The following NMT1 variants were observed in gnomAD, a reference collection of about 807,000 sequenced individuals.
NMT1 encodes glycylpeptide N-tetradecanoyltransferase 1.
NMT1 carries 12 observed loss-of-function variants against 63.4 expected under a neutral mutation model. That is an observed-to-expected ratio of 0.19 (90% CI 0.12 to 0.31). The LOEUF is 0.31. Among genes scored for constraint, NMT1 ranks in the 10% least tolerant of loss-of-function variants. The probability of loss-of-function intolerance (pLI) is 1.00; values close to 1 mark genes in which losing one functional copy is unlikely to be tolerated. For missense variants in NMT1, 432 were observed against 634.6 expected (o/e 0.68, Z 3.43); for synonymous variants, 228 against 234.3 (o/e 0.97, Z 0.25).
intron 8 of NMT1, among the ~76,000 whole-genome samples, chr17:45,101,655 A>G (rs138185723): frequency 6.6e-6 from 1 of 151,164 alleles, no homozygotes; most frequent in African/African-American, 2.4e-5. Flanking sequence ...GAAAGAAAAA[A>G]TCTCTTCTCT....
At position 45,103,838 on chromosome 17, in the gene NMT1, C is replaced by G. The variant is rs2143524649; in HGVS notation, c.1294C>G (p.Leu432Val). The change falls in exon 10 of 12, where the codon CTA becomes GTA. Residue 432 changes from leucine to valine, a missense_variant. This residue lies in a region of NMT1 where 295 missense variants were observed against 489.7 expected (regional missense o/e 0.60). Coordinates refer to ENST00000258960, the MANE Select transcript of NMT1 (RefSeq NM_021079.5). The surrounding 1 kb of genome is among the most constrained non-coding windows in gnomAD (Gnocchi z 4.8). ...CAACGTTCACACCCAGACCCCTCTT[C>G]TAGACCTCATGAGCGACGCCCTTGT... Reference protein sequence around the residue: ...FYNVHTQTPLLDLMSDALVLA... With the variant: ...FYNVHTQTPLVDLMSDALVLA... The G allele has an allele frequency of 1.9e-6, 3 of 1,614,202 alleles. No individual in the cohort carries two copies. Among genetic ancestry groups the G allele is most frequent in the Non-Finnish European group, 2.5e-6 (3 of 1,180,046 alleles).
intron 1 of NMT1, among the ~76,000 whole-genome samples, chr17:45,079,068 A>C (rs2053995612): frequency 6.6e-6 from 1 of 151,398 alleles, no homozygotes; most frequent in South Asian, 2.1e-4. Flanking sequence ...TGGACTCCTA[A>C]TTTTGACTTT....
At chr17:45,081,265 G>T (rs2054015564) in intron 1 of NMT1, among the ~76,000 whole-genome samples, 1 of 152,216 alleles carries the variant, frequency 6.6e-6, no homozygotes, top group African/African-American at 2.4e-5. Flanking sequence ...ACTGCCTTTT[G>T]GCTGTCATCC....
intron 1 of NMT1, among the ~76,000 whole-genome samples, chr17:45,068,453 CAG>C (rs369315227): frequency 1.3e-5 from 2 of 152,178 alleles, no homozygotes; most frequent in Admixed American, 6.5e-5. Flanking sequence ...GTCTGGGCGA[CAG>C]AGAGAGCCTC....
intron 1 of NMT1, among the ~76,000 whole-genome samples, chr17:45,065,023 C>T (rs375535271): frequency 1.3e-3 from 198 of 152,178 alleles, no homozygotes; most frequent in African/African-American, 4.3e-3. Flanking sequence ...TAGCTTTTAT[C>T]GTAACAATAG....
chr17:45,091,197 C>T (rs2054085366), intron 3 of NMT1, among the ~76,000 whole-genome samples: 2 of 139,018 alleles, frequency 1.4e-5, no homozygotes, highest in South Asian at 2.5e-4. Context: ...GACACACACA[C>T]ACACACACAC....
Position 45,103,740 on chromosome 17 carries a change from G to T in NMT1, c.1196G>T (p.Ser399Ile). 6.2e-7 allele frequency: 1 copy of T among 1,613,818 alleles called. No homozygotes were observed. The highest frequency in any genetic ancestry group is 1.1e-5 in the South Asian group (1 of 91,018). Residue 399 changes from serine to isoleucine, a missense_variant, in exon 10 of 12, where the codon AGC becomes ATC. By Grantham distance (142) the Ser-to-Ile change is moderately radical. This residue lies in a region of NMT1 where 295 missense variants were observed against 489.7 expected (regional missense o/e 0.60). Coordinates refer to ENST00000258960, the MANE Select transcript of NMT1 (RefSeq NM_021079.5). The surrounding 1 kb of genome is among the most constrained non-coding windows in gnomAD (Gnocchi z 4.8). Reference protein sequence around the residue: ...NANGEVTDFLSFYTLPSTIMN... With the variant: ...NANGEVTDFLIFYTLPSTIMN... ...AACGGAGAGGTGACAGATTTCCTGA[G>T]CTTTTATACGCTGCCCTCCACCATC...
At chr17:45,093,569 T>C in intron 3 of NMT1, 116 bp from the exon 4 acceptor site, 5 of 746,922 alleles carry the variant, frequency 6.7e-6, no homozygotes, top group East Asian at 2.7e-5. Context: ...CAGAATGTTC[T>C]TCAGATAGAG....
chr17:45,084,492 A>C (rs2054038656), intron 2 of NMT1, among the ~76,000 whole-genome samples: 1 of 151,702 alleles, frequency 6.6e-6, no homozygotes, highest in African/African-American at 2.4e-5. Flanking sequence ...CCGTGACCAC[A>C]CTGGCTAATT....
chr17:45,106,354 G>A lies in NMT1; in HGVS notation c.*715G>A, dbSNP rs1335370299. On this transcript the variant is annotated 3_prime_UTR_variant, in exon 12 of 12. Transcript: ENST00000258960. ...GAGACAAAGCAATGGACGGTCCGCA[G>A]AAGCAGACCTCATTGATTGAGTCCT... 6.5e-6 allele frequency: 1 copy of A among 152,698 alleles called. No homozygotes were observed. The highest frequency in any genetic ancestry group is 1.9e-4 in the East Asian group (1 of 5,208). 9.5% of individuals were successfully genotyped at this position (152,698 alleles called of 1,614,324 possible).
intron 1 of NMT1, chr17:45,071,434 C>G (rs1160182374): frequency 6.6e-6 from 1 of 152,148 alleles, no homozygotes; most frequent in African/African-American, 2.4e-5. Context: ...AGGTAGAAAA[C>G]AAGTGGTGGC....
chr17:45,088,527 G>A (rs1263155030), intron 3 of NMT1, among the ~76,000 whole-genome samples: 2 of 152,226 alleles, frequency 1.3e-5, no homozygotes, highest in African/African-American at 4.8e-5. Flanking sequence ...GGTCGAGGCA[G>A]GCGGATGACC....
In NMT1 at chr17:45,086,604, A is replaced by G. The variant is rs1196722115; in HGVS notation, c.337A>G (p.Ser113Gly). 6.2e-7 allele frequency: 1 copy of G among 1,613,678 alleles called. No homozygotes were observed. Residue 113 changes from serine to glycine, a missense_variant, in exon 3 of 12, where the codon AGC becomes GGC. This residue lies in a region of NMT1 where 295 missense variants were observed against 489.7 expected (regional missense o/e 0.60). Coordinates refer to ENST00000258960, the MANE Select transcript of NMT1 (RefSeq NM_021079.5). ...QGPAKTMEEASKRSYQFWDTQ... is the reference protein window; with the variant it reads ...QGPAKTMEEAGKRSYQFWDTQ... ...ACCTGCCAAAACCATGGAGGAGGCT[A>G]GCAAGCGAAGCTACCAGTTCTGGGA...
chr17:45,077,403 T>A (rs555731115), intron 1 of NMT1, among the ~76,000 whole-genome samples: 1 of 152,156 alleles, frequency 6.6e-6, no homozygotes, highest in Non-Finnish European at 1.5e-5. Flanking sequence ...GTTTGTTTGT[T>A]TTTTGAGATG....
Position 45,104,109 on chromosome 17 carries a change from T to C in NMT1, c.1332+233T>C, listed in dbSNP as rs1378737344. Reference sequence around the variant, plus strand: ...TCCTCCTGATTCATTTCAGTGAGTTTCGTTCTCACAGGAGGCGCCACCAAG... The same window carrying C: ...TCCTCCTGATTCATTTCAGTGAGTTCCGTTCTCACAGGAGGCGCCACCAAG... On this transcript the variant is annotated intron_variant, in intron 10 of 11. Coordinates refer to ENST00000258960, the MANE Select transcript of NMT1 (RefSeq NM_021079.5). The surrounding 1 kb of genome is among the most constrained non-coding windows in gnomAD (Gnocchi z 4.2). The C allele has an allele frequency of 7.0e-7, 1 of 1,429,140 alleles. No individual in the cohort carries two copies. The highest frequency in any genetic ancestry group is 2.5e-5 in the Admixed American group (1 of 39,556). 88.5% of individuals were successfully genotyped at this position (1,429,140 alleles called of 1,614,324 possible).
intron 3 of NMT1, among the ~76,000 whole-genome samples, chr17:45,087,962 C>A (rs1008019330): frequency 6.6e-6 from 1 of 152,224 alleles, no homozygotes; most frequent in Non-Finnish European, 1.5e-5. Context: ...TCGGGCCCCA[C>A]CCCAAAGCTG....
intron 8 of NMT1, among the ~76,000 whole-genome samples, chr17:45,100,247 C>G (rs2054152687): frequency 6.6e-6 from 1 of 152,090 alleles, no homozygotes; most frequent in South Asian, 2.1e-4. Flanking sequence ...TGCCGCCATG[C>G]CCGGCCAATT....
chr17:45,078,112 C>T (rs943587830), intron 1 of NMT1, among the ~76,000 whole-genome samples: 1 of 152,108 alleles, frequency 6.6e-6, no homozygotes, highest in African/African-American at 2.4e-5. Flanking sequence ...CTGAGAGGCC[C>T]GGCCAGATGG....
chr17:45,070,255 T>TTG (rs56797954), intron 1 of NMT1, among the ~76,000 whole-genome samples: 24,584 of 150,798 alleles, frequency 0.16, 2,302 homozygotes, highest in Non-Finnish European at 0.22. Flanking sequence ...GTACCTTTTT[T>TTG]TGTGTGTGTG....
Sources: allele counts gnomAD v4.1 joint callset (sites outside exome capture counted in the v4.1 genomes callset), GRCh38; gene constraint gnomAD v4.1.1; regional missense constraint gnomAD v4.1.1; non-coding constraint Gnocchi (gnomAD v3.1); transcripts MANE v1.5; gene names NCBI Gene and HGNC (gene_info 2026-07-23, HGNC 2026-07-21).